CTIF: variants seen among roughly 807,000 people sequenced by gnomAD.
CTIF encodes CBP80/20-dependent translation initiation factor.
In CTIF, 21 loss-of-function variants were observed where a neutral mutation model predicts 66.0. The ratio of observed to expected loss-of-function variants is 0.32; its 90% CI spans 0.23 to 0.46. The LOEUF (loss-of-function observed/expected upper bound fraction) is 0.46. Among genes scored for constraint, CTIF ranks in the 20% least tolerant of loss-of-function variants. The pLI is 1.00. For synonymous variants in CTIF, 345 were observed against 326.4 expected (o/e 1.06, Z -0.62); for missense variants, 739 against 812.7 (o/e 0.91, Z 1.10).
intron 2 of CTIF, among the ~76,000 whole-genome samples, chr18:48,632,847 G>T (rs1299138375): frequency 6.6e-6 from 1 of 151,998 alleles, no homozygotes; most frequent in Non-Finnish European, 1.5e-5. Flanking sequence ...TCCTGTGTGG[G>T]GACACTCTTT....
intron 7 of CTIF, among the ~76,000 whole-genome samples, chr18:48,747,140 A>C (rs929464954): frequency 2.6e-5 from 4 of 152,186 alleles, no homozygotes; most frequent in African/African-American, 9.7e-5. Context: ...GAAGACTCCA[A>C]AGCTGGTATG....
In CTIF at chr18:48,721,162, T is replaced by C. The variant is rs141303977; in HGVS notation, c.584+9467T>C. ...CTTTTCCCCAGCAATTAGAATTCCT[T>C]CAGACCCCTTAAGCCCTAAATAGCA... On this transcript the variant is annotated intron_variant, in intron 7 of 11. Transcript: ENST00000256413. Among the ~76,000 whole-genome samples, 10 of 152,248 alleles carry C rather than the reference T, an allele frequency of 6.6e-5. No individual in the cohort carries two copies. The East Asian group carries it at 1.9e-3, about 29-fold the overall frequency.
chr18:48,587,331 C>T (rs567732429), intron 1 of CTIF, among the ~76,000 whole-genome samples: 7 of 152,258 alleles, frequency 4.6e-5, no homozygotes, highest in South Asian at 4.1e-4. Context: ...CCATCCACCT[C>T]GGCCTCCCAG....
At position 48,664,502 on chromosome 18, in the gene CTIF, A is replaced by C; in HGVS notation, c.382A>C (p.Lys128Gln). Residue 128 changes from lysine to glutamine, a missense_variant, in exon 5 of 12, where the codon AAA (lysine) becomes CAA (glutamine). Coordinates refer to ENST00000256413, the MANE Select transcript of CTIF (RefSeq NM_014772.3). ...EKLDFTQFHRKVRHTPKQPLP... is the reference protein window; with the variant it reads ...EKLDFTQFHRQVRHTPKQPLP... ...GCTGGACTTCACCCAGTTCCACCGC[A>C]AAGTCCGACACACGCCCAAGCAGCC... 6.2e-7 allele frequency: 1 copy of C among 1,613,454 alleles called. No homozygotes were observed. The highest frequency in any genetic ancestry group is 2.2e-5 in the East Asian group (1 of 44,874).
intron 6 of CTIF, among the ~76,000 whole-genome samples, chr18:48,710,435 C>G (rs2092211383): frequency 6.6e-6 from 1 of 152,216 alleles, no homozygotes; most frequent in Non-Finnish European, 1.5e-5. Flanking sequence ...AGACCACTCC[C>G]TCCCACTTGA....
intron 1 of CTIF, among the ~76,000 whole-genome samples, chr18:48,569,086 G>C (rs1232106030): frequency 6.6e-6 from 1 of 152,070 alleles, no homozygotes; most frequent in Non-Finnish European, 1.5e-5. Context: ...CTCTCATAAG[G>C]ACACCATTCA....
At chr18:48,844,033 T>C (rs536412468) in intron 10 of CTIF, among the ~76,000 whole-genome samples, 2 of 152,196 alleles carry the variant, frequency 1.3e-5, no homozygotes, top group African/African-American at 2.4e-5. Flanking sequence ...ACTCAAAATA[T>C]GTAAGCCAGG....
At chr18:48,630,818 G>A (rs2090695382) in intron 2 of CTIF, among the ~76,000 whole-genome samples, 1 of 152,068 alleles carries the variant, frequency 6.6e-6, no homozygotes, top group Non-Finnish European at 1.5e-5. Flanking sequence ...TGGGACTACA[G>A]GTGCCTGCAA....
chr18:48,694,909 C>G (rs2091983507), intron 6 of CTIF, among the ~76,000 whole-genome samples: 1 of 152,218 alleles, frequency 6.6e-6, no homozygotes, highest in Non-Finnish European at 1.5e-5. Flanking sequence ...TTTCTGCATG[C>G]AAGCAGCTTT....
intron 9 of CTIF, among the ~76,000 whole-genome samples, chr18:48,763,794 AC>A (rs1277700988): frequency 2.0e-5 from 3 of 151,956 alleles, no homozygotes; most frequent in Non-Finnish European, 4.4e-5. Context: ...GGCACGAGGG[AC>A]CCCGTGTGAG....
chr18:48,689,940 C>T (rs1373931813), intron 6 of CTIF, among the ~76,000 whole-genome samples: 1 of 152,138 alleles, frequency 6.6e-6, no homozygotes, highest in Non-Finnish European at 1.5e-5. Flanking sequence ...TCCCATTTCC[C>T]CAGTCTGTGA....
At chr18:48,590,599 T>C (rs904780771) in intron 1 of CTIF, among the ~76,000 whole-genome samples, 2 of 152,166 alleles carry the variant, frequency 1.3e-5, no homozygotes, top group Non-Finnish European at 2.9e-5. Context: ...CATCAAATCC[T>C]TTGCCCTTCC....
chr18:48,845,983 A>G (rs998898227), intron 10 of CTIF, among the ~76,000 whole-genome samples: 8 of 152,120 alleles, frequency 5.3e-5, no homozygotes, highest in African/African-American at 1.7e-4. Flanking sequence ...CAGTCCAAAC[A>G]CCACCCTACC....
At chr18:48,637,801 C>T (rs299720) in intron 3 of CTIF, among the ~76,000 whole-genome samples, 1 of 151,758 alleles carries the variant, frequency 6.6e-6, no homozygotes, top group African/African-American at 2.4e-5. Context: ...ATAAGAGCCC[C>T]GGGGGTGGGG....
At chr18:48,663,848 C>T (rs1386090777) in intron 4 of CTIF, 23 bp downstream of exon 4, 9 of 1,610,270 alleles carry the variant, frequency 5.6e-6, no homozygotes, top group South Asian at 3.3e-5. Context: ...TCCCTCCTTC[C>T]CTGTGGTGTG....
intron 2 of CTIF, among the ~76,000 whole-genome samples, chr18:48,623,231 A>G (rs769596171): frequency 1.3e-5 from 2 of 152,220 alleles, no homozygotes; most frequent in Non-Finnish European, 2.9e-5. Context: ...ATTTGGATGC[A>G]TTCTCTAAAC....
chr18:48,578,237 T>TGG (rs1421542600), intron 1 of CTIF, among the ~76,000 whole-genome samples: 1 of 152,180 alleles, frequency 6.6e-6, no homozygotes, highest in African/African-American at 2.4e-5. Context: ...GATGGAGCTT[T>TGG]GGGGGTTGTT....
chr18:48,816,547 C>T (rs1275774996), intron 9 of CTIF, among the ~76,000 whole-genome samples: 2 of 152,158 alleles, frequency 1.3e-5, no homozygotes, highest in Admixed American at 1.3e-4. Context: ...GAACCCAGCT[C>T]CTTGGTTTTT....
chr18:48,828,890 C>T (rs1400114742), intron 10 of CTIF, among the ~76,000 whole-genome samples: 3 of 152,250 alleles, frequency 2.0e-5, no homozygotes, highest in South Asian at 2.1e-4. Context: ...CAGCCCTGGA[C>T]GGCTTGCCCT....
Sources: allele counts gnomAD v4.1 joint callset (sites outside exome capture counted in the v4.1 genomes callset), GRCh38; gene constraint gnomAD v4.1.1; transcripts MANE v1.5; gene names NCBI Gene and HGNC (gene_info 2026-07-23, HGNC 2026-07-21).